The following UPF2 variants were observed in gnomAD, a reference collection of about 807,000 sequenced individuals.
The protein encoded by UPF2 is UPF2 regulator of nonsense mediated mRNA decay.
Under a neutral mutation model 141.4 loss-of-function variants are expected in UPF2, and 17 were observed. The ratio of observed to expected loss-of-function variants is 0.12; its 90% CI spans 0.08 to 0.18. The LOEUF is 0.18. Ranked by LOEUF, UPF2 falls within the 10% of genes least tolerant of loss-of-function variation. UPF2 has a pLI of 1.00. For synonymous variants in UPF2, 540 were observed against 498.0 expected, an observed-to-expected ratio of 1.08 and a Z score of -1.12; for missense variants, 1,152 against 1,515.9, an observed-to-expected ratio of 0.76 and a Z score of 3.99.
intron 3 of UPF2, chr10:12,026,536 T>C: frequency 2.4e-6 from 1 of 419,716 alleles, no homozygotes; most frequent in Non-Finnish European, 4.7e-6. Flanking sequence ...TGTCCTCTAC[T>C]GGTATTCCTC....
At chr10:12,002,283 T>C (rs771164903) in intron 5 of UPF2, among the ~76,000 whole-genome samples, 2 of 152,128 alleles carry the variant, frequency 1.3e-5, no homozygotes, top group South Asian at 2.1e-4. Flanking sequence ...AAAAAATATA[T>C]ACATTATGCT....
chr10:12,010,483 G>A lies in UPF2; in HGVS notation c.1306+3541C>T, dbSNP rs139001435. Among the ~76,000 whole-genome samples, 587 of 152,212 alleles carry A rather than the reference G, an allele frequency of 3.9e-3. 2 individuals carry two copies. Among genetic ancestry groups the A allele is most frequent in the African/African-American group, 0.014 (564 of 41,530 alleles). The stretch of plus-strand genomic sequence containing the variant: ...AAATGGAATTAAGTTATTAGACACC[G>A]TAGAAGAAAAGATTAGTGAACTTGA... On this transcript the variant is annotated intron_variant, in intron 4 of 21. Coordinates refer to ENST00000357604, the MANE Select transcript of UPF2 (RefSeq NM_015542.4).
chr10:11,923,958 G>A (rs1220512879), intron 21 of UPF2, among the ~76,000 whole-genome samples: 2 of 152,096 alleles, frequency 1.3e-5, no homozygotes, highest in African/African-American at 2.4e-5. Context: ...GAGTTAATAC[G>A]TATTTTAAAG....
At chr10:11,981,206 T>C (rs1833587679) in intron 8 of UPF2, among the ~76,000 whole-genome samples, 1 of 152,042 alleles carries the variant, frequency 6.6e-6, no homozygotes, top group Non-Finnish European at 1.5e-5. Context: ...AAAGGTAAGG[T>C]TAAATGGAGG....
chr10:11,926,631 A>G (rs1218870050), intron 21 of UPF2, among the ~76,000 whole-genome samples: 1 of 152,252 alleles, frequency 6.6e-6, no homozygotes, highest in Non-Finnish European at 1.5e-5. Flanking sequence ...GATGAGGCCA[A>G]GAGATGGCAG....
chr10:12,002,037 G>A (rs768434260), intron 5 of UPF2, among the ~76,000 whole-genome samples: 3 of 152,270 alleles, frequency 2.0e-5, no homozygotes, highest in Admixed American at 6.5e-5. Context: ...TTGGGAGGCC[G>A]AGGAGGGAGG....
chr10:11,947,786 CAAAAAAAAAA>C (rs58897556), intron 16 of UPF2, among the ~76,000 whole-genome samples: 1 of 65,580 alleles, frequency 1.5e-5, no homozygotes, highest in East Asian at 4.4e-4. Context: ...AACCTTGTCT[CAAAAAAAAAA>C]AAAAAAAAAA....
intron 9 of UPF2, among the ~76,000 whole-genome samples, chr10:11,972,405 T>A (rs949233150): frequency 1.3e-5 from 2 of 152,222 alleles, no homozygotes; most frequent in Non-Finnish European, 2.9e-5. Flanking sequence ...TATTATACTT[T>A]AAGTTCTAGG....
At chr10:11,961,071 C>T (rs896040120) in intron 11 of UPF2, among the ~76,000 whole-genome samples, 4 of 143,290 alleles carry the variant, frequency 2.8e-5, no homozygotes, top group African/African-American at 7.8e-5. Context: ...GCCTGGGCAA[C>T]AGCGGGAGAC....
At chr10:11,938,862 T>TTTG (rs1554774692) in intron 18 of UPF2, among the ~76,000 whole-genome samples, 4 of 79,858 alleles carry the variant, frequency 5.0e-5, no homozygotes, top group African/African-American at 8.6e-5. Flanking sequence ...TGTTTTTTTT[T>TTTG]TTTTTTTTTT....
intron 3 of UPF2, among the ~76,000 whole-genome samples, chr10:12,021,029 A>G (rs888098412): frequency 6.6e-6 from 1 of 152,224 alleles, no homozygotes; most frequent in African/African-American, 2.4e-5. Context: ...AGCGGCTAAC[A>G]TGTATACTAT....
intron 18 of UPF2, among the ~76,000 whole-genome samples, chr10:11,941,295 G>C (rs569910371): frequency 1.1e-4 from 17 of 151,986 alleles, no homozygotes; most frequent in Non-Finnish European, 2.1e-4. Flanking sequence ...CTCCTCCAAG[G>C]GATTATAATG....
At chr10:11,951,792 G>A (rs1042197521) in intron 15 of UPF2, among the ~76,000 whole-genome samples, 14 of 152,154 alleles carry the variant, frequency 9.2e-5, no homozygotes, top group African/African-American at 3.4e-4. Context: ...AAAAGTAAGA[G>A]AGGTAGACAG....
At chr10:11,970,257 G>A (rs999513482) in intron 9 of UPF2, among the ~76,000 whole-genome samples, 2 of 151,978 alleles carry the variant, frequency 1.3e-5, no homozygotes, top group African/African-American at 4.8e-5. Flanking sequence ...TGATGTTTAA[G>A]GAGTATTTTA....
intron 9 of UPF2, among the ~76,000 whole-genome samples, chr10:11,969,167 CT>C (rs918563407): frequency 2.4e-4 from 36 of 149,290 alleles, no homozygotes; most frequent in South Asian, 6.4e-4. Flanking sequence ...CAGCCTAGAA[CT>C]TTTTTTTTTC....
At position 11,999,950 on chromosome 10, in the gene UPF2, G is replaced by A. The variant is rs1437295906; in HGVS notation, c.1714C>T (p.Leu572=). ...TTGACACAGTTGGGTAACTGCTGTAGGAAAGCATCTACTATGAGCTTGAGA... is the reference window on the plus strand; with the variant it reads ...TTGACACAGTTGGGTAACTGCTGTAAGAAAGCATCTACTATGAGCTTGAGA... ...SHLKLIVDAF[L]QQLPNCVNRD... The change falls in exon 7 of 22, where the codon CTA becomes TTA. Residue 572 remains leucine, a synonymous_variant. Transcript: ENST00000357604. 1.9e-6 allele frequency: 3 copies of A among 1,613,678 alleles called. No homozygotes were observed. The highest frequency in any genetic ancestry group is 2.2e-5 in the South Asian group (2 of 91,066).
intron 2 of UPF2, among the ~76,000 whole-genome samples, chr10:12,034,115 C>T (rs1226221280): frequency 6.6e-6 from 1 of 152,164 alleles, no homozygotes; most frequent in East Asian, 1.9e-4. Flanking sequence ...CCTTAAGCAA[C>T]TTACCCTCCT....
intron 3 of UPF2, among the ~76,000 whole-genome samples, chr10:12,018,698 G>A (rs1269870721): frequency 6.6e-6 from 1 of 152,164 alleles, no homozygotes; most frequent in Non-Finnish European, 1.5e-5. Flanking sequence ...GCTGCAGTAA[G>A]CCGTGACCGT....
intron 21 of UPF2, among the ~76,000 whole-genome samples, chr10:11,929,602 C>A (rs941308307): frequency 1.3e-5 from 2 of 152,136 alleles, no homozygotes; most frequent in African/African-American, 4.8e-5. Flanking sequence ...GATTGTGCCA[C>A]TGCACTTCAG....
Sources: gnomAD v4.1 joint callset for allele counts (sites outside exome capture counted in the v4.1 genomes callset) on GRCh38, gnomAD v4.1.1 for gene constraint, MANE v1.5 for transcripts, NCBI Gene and HGNC (gene_info 2026-07-23, HGNC 2026-07-21) for gene names.